The following ENPP2 variants were observed in gnomAD, a reference collection of about 807,000 sequenced individuals.
ENPP2 encodes the protein autotaxin.
Under a neutral mutation model 120.2 loss-of-function variants are expected in ENPP2, and 51 were observed. The observed-to-expected ratio is 0.42, with a 90% CI of 0.34 to 0.54. ENPP2 has a LOEUF of 0.54. Ranked by LOEUF, ENPP2 falls within the 20% of genes least tolerant of loss-of-function variation. The pLI is 0.04. For synonymous variants in ENPP2, 365 were observed against 366.4 expected (o/e 1.00, Z 0.04); for missense variants, 920 against 1,066.5 (o/e 0.86, Z 1.91).
intron 19 of ENPP2, among the ~76,000 whole-genome samples, chr8:119,575,291 A>G (rs1587362078): frequency 6.6e-6 from 1 of 152,134 alleles, no homozygotes; most frequent in East Asian, 1.9e-4. Context: ...GGTGGTCTCC[A>G]GTTGGGTGCT....
intron 2 of ENPP2, among the ~76,000 whole-genome samples, chr8:119,633,267 G>GCAGT (rs1187358371): frequency 6.6e-6 from 1 of 152,160 alleles, no homozygotes; most frequent in African/African-American, 2.4e-5. Flanking sequence ...AATAGAAGAG[G>GCAGT]CAGTATTTAA....
In ENPP2 at chr8:119,617,223, G is replaced by C. The variant is rs780572324; in HGVS notation, c.598C>G (p.Pro200Ala). 13 of 1,613,218 alleles carry C rather than the reference G, an allele frequency of 8.1e-6. No individual in the cohort carries two copies. The African/African-American group carries it at 1.6e-4, about 20-fold the overall frequency. Reference sequence around the variant, plus strand: ...GTTGGGTACACCGGCCTCATGTAGGGAGAGTGTGTGCCACAAGACCCTGGA... The same window carrying C: ...GTTGGGTACACCGGCCTCATGTAGGCAGAGTGTGTGCCACAAGACCCTGGA... ...EKLRSCGTHS[P>A]YMRPVYPTKT... The change falls in exon 7 of 25, where the codon CCC (proline) becomes GCC (alanine). Residue 200 changes from proline (P) to alanine (A), a missense_variant. Pro to Ala is a conservative substitution (Grantham distance 27). Coordinates refer to ENST00000075322, the MANE Select transcript of ENPP2 (RefSeq NM_001040092.3).
At chr8:119,608,038 GT>G (rs1814844135) in intron 8 of ENPP2, 61 bp from the exon 9 acceptor site, 1 of 1,218,686 alleles carries the variant, frequency 8.2e-7, no homozygotes, top group African/African-American at 1.5e-5. Context: ...AGAAGAAAAA[GT>G]TTTTAAAATA....
intron 9 of ENPP2, among the ~76,000 whole-genome samples, 169 bp from the exon 10 acceptor site, chr8:119,601,631 T>C (rs1393275769): frequency 1.3e-5 from 2 of 152,200 alleles, no homozygotes; most frequent in Non-Finnish European, 2.9e-5. Flanking sequence ...TAAACTACTA[T>C]TTCCATTTGC....
At chr8:119,673,279 G>C (rs1818308557) in exon 1 of ENPP2, 3 of 1,535,310 alleles carry the variant, frequency 2.0e-6, no homozygotes, top group Non-Finnish European at 2.6e-6. Context: ...TCATGCTGCG[G>C]GAGTCTCGGC....
intron 1 of ENPP2, among the ~76,000 whole-genome samples, chr8:119,662,314 T>C (rs539018324): frequency 6.6e-6 from 1 of 152,322 alleles, no homozygotes; most frequent in African/African-American, 2.4e-5. Context: ...AATGTTTTAT[T>C]TGTCAATTAA....
intron 18 of ENPP2, among the ~76,000 whole-genome samples, chr8:119,581,586 T>C (rs1812740972): frequency 6.6e-6 from 1 of 152,082 alleles, no homozygotes; most frequent in South Asian, 2.1e-4. Flanking sequence ...CGGTTGTCTC[T>C]CCATGTTTTG....
intron 5 of ENPP2, among the ~76,000 whole-genome samples, chr8:119,619,020 A>AT (rs926465605): frequency 3.9e-5 from 6 of 152,166 alleles, no homozygotes; most frequent in African/African-American, 1.2e-4. Context: ...TCAGACCCCA[A>AT]TATGTGCAGA....
intron 11 of ENPP2, among the ~76,000 whole-genome samples, chr8:119,598,461 A>G (rs1209991734): frequency 6.6e-6 from 1 of 152,214 alleles, no homozygotes; most frequent in Non-Finnish European, 1.5e-5. Context: ...AACCCTGGGC[A>G]TAGAAAAATT....
intron 11 of ENPP2, among the ~76,000 whole-genome samples, chr8:119,598,757 C>T (rs761733082): frequency 6.6e-6 from 1 of 152,136 alleles, no homozygotes; most frequent in African/African-American, 2.4e-5. Flanking sequence ...TATTAACTGA[C>T]CACTTTGCTT....
intron 1 of ENPP2, among the ~76,000 whole-genome samples, chr8:119,668,424 T>A (rs1359810879): frequency 7.2e-6 from 1 of 138,566 alleles, no homozygotes; most frequent in Non-Finnish European, 1.5e-5. Flanking sequence ...TTTCTTTTTC[T>A]TTTTCTTTTT....
At chr8:119,606,191 A>G (rs1019842595) in intron 9 of ENPP2, among the ~76,000 whole-genome samples, 5 of 152,130 alleles carry the variant, frequency 3.3e-5, no homozygotes, top group South Asian at 2.1e-4. Context: ...AAAAAAGGGG[A>G]AAAAATGAAT....
intron 10 of ENPP2, 144 bp from the exon 11 acceptor site, chr8:119,600,894 T>A (rs1814253728): frequency 3.6e-6 from 1 of 280,534 alleles, no homozygotes; most frequent in African/African-American, 2.4e-5. Flanking sequence ...CATGAAAAAC[T>A]TTTTTTTTTT....
intron 1 of ENPP2, among the ~76,000 whole-genome samples, chr8:119,659,604 C>A (rs1396798697): frequency 1.3e-5 from 2 of 152,152 alleles, no homozygotes; most frequent in Non-Finnish European, 2.9e-5. Flanking sequence ...ATTCCCATCC[C>A]TCTCAGGGAA....
chr8:119,599,348 A>G (rs1814121199), intron 11 of ENPP2, among the ~76,000 whole-genome samples: 1 of 152,210 alleles, frequency 6.6e-6, no homozygotes, highest in Admixed American at 6.5e-5. Context: ...CCTTGGTCAC[A>G]TGCTGCAAGT....
chr8:119,664,370 T>C (rs933982078), intron 1 of ENPP2, among the ~76,000 whole-genome samples: 1 of 152,190 alleles, frequency 6.6e-6, no homozygotes, highest in Non-Finnish European at 1.5e-5. Flanking sequence ...TGAACCTCTG[T>C]TGTCTCTCTC....
chr8:119,654,355 T>C (rs1163058244), intron 1 of ENPP2, among the ~76,000 whole-genome samples: 4 of 143,816 alleles, frequency 2.8e-5, no homozygotes, highest in Non-Finnish European at 6.0e-5. Context: ...TGTATAATAT[T>C]TAATATATAA....
At chr8:119,654,504 A>G (rs1236489947) in intron 1 of ENPP2, among the ~76,000 whole-genome samples, 2 of 146,998 alleles carry the variant, frequency 1.4e-5, no homozygotes, top group Admixed American at 6.9e-5. Flanking sequence ...TATATATTTA[A>G]TATATATAAT....
chr8:119,588,229 C>G (rs28424130), intron 13 of ENPP2, among the ~76,000 whole-genome samples: 2,571 of 152,112 alleles, frequency 0.017, 68 homozygotes, highest in African/African-American at 0.058. Context: ...ATGTGCCTGT[C>G]TTTCTATAAG....
Sources: gnomAD v4.1 joint callset for allele counts (sites outside exome capture counted in the v4.1 genomes callset) on GRCh38, gnomAD v4.1.1 for gene constraint, MANE v1.5 for transcripts, NCBI Gene and HGNC (gene_info 2026-07-23, HGNC 2026-07-21) for gene names.